The following RASAL3 variants were observed in gnomAD, a reference collection of about 807,000 sequenced individuals.
RASAL3 encodes RAS protein activator like 3, also known as RAS protein activator like-3.
RASAL3 carries 74 observed loss-of-function variants against 105.5 expected under a neutral mutation model. That is an observed-to-expected ratio of 0.70 (90% confidence interval 0.58 to 0.85). RASAL3 has a LOEUF of 0.85. Among genes scored for constraint, RASAL3 ranks in the 40% least tolerant of loss-of-function variants. The probability of loss-of-function intolerance (pLI) is 0.00; values close to 1 mark genes in which losing one functional copy is unlikely to be tolerated. For synonymous variants in RASAL3, 579 were observed against 591.6 expected (o/e 0.98, Z 0.31); for missense variants, 1,352 against 1,392.0 (o/e 0.97, Z 0.46).
At position 15,452,531 on chromosome 19, in the gene RASAL3, T is replaced by C. The variant is rs370343483; in HGVS notation, c.2828+127A>G. On this transcript the variant is annotated intron_variant, in intron 16 of 17. Coordinates refer to ENST00000343625, the MANE Select transcript of RASAL3 (RefSeq NM_022904.3). Reference sequence around the variant, plus strand: ...AAGAGGCAGGGCCTGGACAGACTTATTGGGGCGGGGCCAGGGTGGGGCTTG... The same window carrying C: ...AAGAGGCAGGGCCTGGACAGACTTACTGGGGCGGGGCCAGGGTGGGGCTTG... 2.5e-5 allele frequency: 19 copies of C among 746,850 alleles called. No homozygotes were observed. The African/African-American group carries it at 3.8e-4, about 15-fold the overall frequency. The allele number at this position is 746,850 out of a possible 1,614,324, so 46.3% of individuals were successfully genotyped here. A position where few individuals can be genotyped will look rare whatever the true frequency, so the allele number is the denominator to read the frequency against.
In RASAL3 at chr19:15,457,002, C is replaced by T. The variant is rs755160330; in HGVS notation, c.1431+290G>A. 1.4e-5 allele frequency: 6 copies of T among 442,944 alleles called. No individual in the cohort carries two copies. Among genetic ancestry groups the T allele is most frequent in the Admixed American group, 3.8e-5 (1 of 26,316 alleles). 27.4% of individuals were successfully genotyped at this position (442,944 alleles called of 1,614,324 possible). A position where few individuals can be genotyped will look rare whatever the true frequency, so the allele number is the denominator to read the frequency against. On this transcript the variant is annotated intron_variant, in intron 9 of 17. Coordinates refer to ENST00000343625, the MANE Select transcript of RASAL3 (RefSeq NM_022904.3). The surrounding 1 kb of genome is among the most constrained non-coding windows in gnomAD (Gnocchi z 8.6). ...TCAGGCCCAGTCCTTCAAGGTGCCC[C>T]GCCCCTTACAGGTGCAGCTCAGCCC...
At position 15,456,172 on chromosome 19, in the gene RASAL3, C is replaced by T. The variant is rs768238474; in HGVS notation, c.1653G>A (p.Leu551=). 6.8e-6 allele frequency: 11 copies of T among 1,613,848 alleles called. No homozygotes were observed. The highest frequency in any genetic ancestry group is 6.7e-5 in the Admixed American group (4 of 60,006). ...TCCGAAGTCTGGCCTGGTGCTCTGG[C>T]AGCTCCGAGGCTGGACATTTGCTGG... ...VDPSKCPASE[L]PEHQARLRNS... is the part of the protein sequence containing the mutation. The change falls in exon 11 of 18, where the codon CTG becomes CTA. Residue 551 remains leucine, a synonymous_variant. Transcript: ENST00000343625. This position sits in a 1 kb window ranked among gnomAD's most constrained non-coding sequence, Gnocchi z 4.4.
At chr19:15,461,361 G>C (rs987060443) in intron 3 of RASAL3, 65 bp from the exon 4 acceptor site, 3 of 1,552,336 alleles carry the variant, frequency 1.9e-6, no homozygotes, top group African/African-American at 1.4e-5. Flanking sequence ...CAGGCAGACC[G>C]AGGGAGAGGC....
At chr19:15,460,449 G>A (rs556026948) in intron 5 of RASAL3, among the ~76,000 whole-genome samples, 191 bp from the exon 6 acceptor site, 3 of 152,200 alleles carry the variant, frequency 2.0e-5, no homozygotes, top group South Asian at 2.1e-4. Flanking sequence ...ACAGGGTCTC[G>A]TGCTGTCGCC....
chr19:15,454,592 G>A (rs538309843), intron 12 of RASAL3, 30 bp from the exon 13 acceptor site: 2 of 1,612,928 alleles, frequency 1.2e-6, no homozygotes, highest in South Asian at 2.2e-5. Context: ...GGTGGGTCAG[G>A]TCAGGCACCT....
chr19:15,452,582 G>GGC, intron 16 of RASAL3, 76 bp downstream of exon 16: 3 of 1,208,198 alleles, frequency 2.5e-6, no homozygotes, highest in Non-Finnish European at 3.3e-6. Context: ...GTTTGGGGGG[G>GGC]GGGGGGAGGG....
chr19:15,458,225 T>C, intron 8 of RASAL3, 103 bp downstream of exon 8: 2 of 1,057,282 alleles, frequency 1.9e-6, no homozygotes, highest in Non-Finnish European at 1.4e-6. Context: ...GCAGGTGTGT[T>C]GGGGGCGCGG....
At chr19:15,460,660 G>C (rs1166241015) in intron 5 of RASAL3, among the ~76,000 whole-genome samples, 4 of 152,070 alleles carry the variant, frequency 2.6e-5, no homozygotes, top group African/African-American at 9.7e-5. Flanking sequence ...GGGATTACAG[G>C]TGTGAACCAC....
chr19:15,453,241 GTCCCATGC>G lies in RASAL3; in HGVS notation c.2528_2535del (p.Ser843ThrfsTer58). 6.3e-7 allele frequency: 1 copy of G among 1,592,156 alleles called. No individual in the cohort carries two copies. Among genetic ancestry groups the G allele is most frequent in the East Asian group, 2.3e-5 (1 of 43,764 alleles). ...GTCCAAGGCCGGGCGCGGGGCGCTG[GTCCCATGC>G]TCAGGGAGCCTTTGGGTCGCGGCCA... On this transcript the variant is annotated frameshift_variant, in exon 15 of 18. Transcript: ENST00000343625. LOFTEE classifies it high-confidence loss of function. The surrounding 1 kb of genome is among the most constrained non-coding windows in gnomAD (Gnocchi z 4.2).
In RASAL3 at chr19:15,457,509, G is replaced by A. The variant is rs1030630132; in HGVS notation, c.1214C>T (p.Pro405Leu). The A allele has an allele frequency of 8.6e-5, 101 of 1,170,322 alleles. No homozygotes were observed. The highest frequency in any genetic ancestry group is 1.1e-4 in the Non-Finnish European group (100 of 944,828). 72.5% of individuals were successfully genotyped at this position (1,170,322 alleles called of 1,614,324 possible). Residue 405 changes from proline to leucine, a missense_variant, in exon 9 of 18, where the codon CCG becomes CTG. Physicochemically the swap from Pro to Leu is moderately conservative, Grantham distance 98. Transcript: ENST00000343625. The surrounding 1 kb of genome is among the most constrained non-coding windows in gnomAD (Gnocchi z 8.6). ...APAAGLERWFPLLGAPAGAAL... is the reference protein window; with the variant it reads ...APAAGLERWFLLLGAPAGAAL... Reference sequence around the variant, plus strand: ...TGCGCCCGCCGGCGCCCCGAGCAGCGGGAACCAGCGCTCCAGACCGGCGGC... The same window carrying A: ...TGCGCCCGCCGGCGCCCCGAGCAGCAGGAACCAGCGCTCCAGACCGGCGGC...
chr19:15,459,686 G>A (rs1277274872), intron 6 of RASAL3, among the ~76,000 whole-genome samples: 4 of 151,972 alleles, frequency 2.6e-5, no homozygotes, highest in African/African-American at 4.8e-5. Context: ...ACAGGTGCCC[G>A]CCACCATGCC....
intron 8 of RASAL3, chr19:15,458,077 A>C (rs2145474290): frequency 1.6e-6 from 1 of 628,990 alleles, no homozygotes; most frequent in East Asian, 2.7e-5. Context: ...ACTGGAGTAA[A>C]GACTTCGCGA....
rs1023270011 is a variant in RASAL3 at position 15,451,842 on chromosome 19, G to C, written c.2989C>G (p.Gln997Glu). 12 of 1,606,672 alleles carry C rather than the reference G, an allele frequency of 7.5e-6. No individual in the cohort carries two copies. Among genetic ancestry groups the C allele is most frequent in the African/African-American group, 1.3e-5 (1 of 74,798 alleles). Residue 997 changes from glutamine (Q) to glutamate (E), a missense_variant, in exon 18 of 18, where the codon CAA becomes GAA. By Grantham distance (29) the Gln-to-Glu change is conservative (BLOSUM62 2). Around this residue, in one of 3 missense-constraint regions of RASAL3, gnomAD observed 920 missense variants for 919.6 expected, o/e 1.00. Transcript: ENST00000343625. ...LSPRTRGSWS[Q>E]PQPLKAPCLN... is the part of the protein sequence containing the mutation. ...CAGGGTGCTTTGAGGGGCTGGGGTT[G>C]ACTCCAAGACCCCCGCGTCCTTGGA... is the stretch of plus-strand genomic sequence containing the variant.
rs1970342143 is a variant in RASAL3 at position 15,456,986 on chromosome 19, G to T, written c.1431+306C>A. On this transcript the variant is annotated intron_variant, in intron 9 of 17. Coordinates refer to ENST00000343625, the MANE Select transcript of RASAL3 (RefSeq NM_022904.3). This position sits in a 1 kb window ranked among gnomAD's most constrained non-coding sequence, Gnocchi z 4.4. ...CCCTCACAGCTGAAGCTCAGGCCCA[G>T]TCCTTCAAGGTGCCCCGCCCCTTAC... 6.6e-6 allele frequency: 3 copies of T among 454,190 alleles called. No individual in the cohort carries two copies. Among genetic ancestry groups the T allele is most frequent in the Non-Finnish European group, 7.9e-6 (2 of 252,086 alleles). The allele number at this position is 454,190 out of a possible 1,614,324, so 28.1% of individuals were successfully genotyped here. A position where few individuals can be genotyped will look rare whatever the true frequency, so the allele number is the denominator to read the frequency against.
Position 15,451,687 on chromosome 19 carries a change from TCCACTCC to T in RASAL3, c.*101_*107del. 8.1e-7 allele frequency: 1 copy of T among 1,232,804 alleles called. No individual in the cohort carries two copies. Among genetic ancestry groups the T allele is most frequent in the Non-Finnish European group, 1.1e-6 (1 of 888,616 alleles). The allele number at this position is 1,232,804 out of a possible 1,614,324, so 76.4% of individuals were successfully genotyped here. A position where few individuals can be genotyped will look rare whatever the true frequency, so the allele number is the denominator to read the frequency against. On this transcript the variant is annotated 3_prime_UTR_variant, in exon 18 of 18. Coordinates refer to ENST00000343625, the MANE Select transcript of RASAL3 (RefSeq NM_022904.3). ...TGCCAGAGTGGTTGGGACCAGCAGC[TCCACTCC>T]CCACTGTAGGCCAAGTAGGGCTAAG...
At chr19:15,460,287 GAAAT>G in intron 5 of RASAL3, 29 bp from the exon 6 acceptor site, 1 of 1,593,446 alleles carries the variant, frequency 6.3e-7, no homozygotes, top group Non-Finnish European at 8.6e-7. Flanking sequence ...CAGCTGGACA[GAAAT>G]CTGTGCTCCT....
rs1244064791 is a variant in RASAL3, at chr19:15,453,089, A to G, written c.2670+18T>C. 1 of 1,612,754 alleles carries G rather than the reference A, an allele frequency of 6.2e-7. No homozygotes were observed. Among genetic ancestry groups the G allele is most frequent in the Non-Finnish European group, 8.5e-7 (1 of 1,179,622 alleles). Reference sequence around the variant, plus strand: ...CCCTGTTCCCACTCCCCAGGCGCGGACCTGGGCCTGACCTTACCTTGTTCA... The same window carrying G: ...CCCTGTTCCCACTCCCCAGGCGCGGGCCTGGGCCTGACCTTACCTTGTTCA... On this transcript the variant is annotated intron_variant, in intron 15 of 17. Coordinates refer to ENST00000343625, the MANE Select transcript of RASAL3 (RefSeq NM_022904.3). This position sits in a 1 kb window ranked among gnomAD's most constrained non-coding sequence, Gnocchi z 4.2.
In RASAL3 at chr19:15,453,343, G is replaced by A. The variant is rs1405258340; in HGVS notation, c.2434C>T (p.Arg812Trp). The change falls in exon 15 of 18, where the codon CGG (arginine) becomes TGG (tryptophan). Residue 812 changes from arginine (R) to tryptophan (W), a missense_variant. Around this residue, in one of 3 missense-constraint regions of RASAL3, gnomAD observed 920 missense variants for 919.6 expected, o/e 1.00. Transcript: ENST00000343625. This position sits in a 1 kb window ranked among gnomAD's most constrained non-coding sequence, Gnocchi z 4.2. ...PDEERPLRRP[R>W]PVQRTQSVPV... is the part of the protein sequence containing the mutation. ...ACACTCTGCGTGCGCTGCACCGGCC[G>A]GGGCCGCCGCAGGGGCCGCTCTTCG... The A allele has an allele frequency of 1.4e-6, 2 of 1,427,288 alleles. No homozygotes were observed. The highest frequency in any genetic ancestry group is 3.5e-5 in the Admixed American group (1 of 28,690). The allele number at this position is 1,427,288 out of a possible 1,614,324, so 88.4% of individuals were successfully genotyped here. A position where few individuals can be genotyped will look rare whatever the true frequency, so the allele number is the denominator to read the frequency against.
In RASAL3 at chr19:15,454,219, C is replaced by G. The variant is rs756645341; in HGVS notation, c.2209G>C (p.Glu737Gln). Residue 737 changes from glutamate (E) to glutamine (Q), a missense_variant, in exon 14 of 18, where the codon GAG (glutamate) becomes CAG (glutamine). Around this residue, in one of 3 missense-constraint regions of RASAL3, gnomAD observed 920 missense variants for 919.6 expected, o/e 1.00. Coordinates refer to ENST00000343625, the MANE Select transcript of RASAL3 (RefSeq NM_022904.3). ...EPLPTILRAI[E>Q]EGQPVLVSVP... ...GACACAAGCACAGGCTGGCCCTCCT[C>G]AATGGCTCGCAGGATGGTGGGCAGT... 2.6e-6 allele frequency: 4 copies of G among 1,568,618 alleles called. No individual in the cohort carries two copies. In the African/African-American group the frequency reaches 4.1e-5, roughly 16 times the overall value.
Sources: allele counts gnomAD v4.1 joint callset (sites outside exome capture counted in the v4.1 genomes callset), GRCh38; gene constraint gnomAD v4.1.1; regional missense constraint gnomAD v4.1.1; non-coding constraint Gnocchi (gnomAD v3.1); transcripts MANE v1.5; gene names NCBI Gene and HGNC (gene_info 2026-07-23, HGNC 2026-07-21).